Variants in LSAMP observed in about 807,000 individuals in gnomAD.
The protein encoded by LSAMP is limbic system associated membrane protein.
LSAMP carries 7 observed loss-of-function variants against 38.6 expected under a neutral mutation model. That is an observed-to-expected ratio of 0.18 (90% CI 0.10 to 0.34). The LOEUF (loss-of-function observed/expected upper bound fraction) is 0.34, where lower values mean the gene tolerates loss of function less well. Ranked by LOEUF, LSAMP falls within the 10% of genes least tolerant of loss-of-function variation. The pLI is 1.00. For synonymous variants in LSAMP, 154 were observed against 166.8 expected (o/e 0.92, Z 0.59); for missense variants, 313 against 420.0 (o/e 0.75, Z 2.23).
intron 3 of LSAMP, among the ~76,000 whole-genome samples, chr3:115,893,653 T>C (rs1379134393): frequency 6.6e-6 from 1 of 152,002 alleles, no homozygotes; most frequent in Non-Finnish European, 1.5e-5. Flanking sequence ...AAGTGTAGTC[T>C]TATGAAGAAG....
chr3:115,848,125 G>A (rs1472195286), intron 4 of LSAMP, among the ~76,000 whole-genome samples: 1 of 152,186 alleles, frequency 6.6e-6, no homozygotes, highest in Admixed American at 6.5e-5. Flanking sequence ...CTGAATAGGT[G>A]TAACTATGAA....
intron 1 of LSAMP, among the ~76,000 whole-genome samples, chr3:116,228,478 A>G (rs1001669873): frequency 6.6e-6 from 1 of 152,074 alleles, no homozygotes; most frequent in African/African-American, 2.4e-5. Context: ...CAATTTCCTC[A>G]TATGTAAAAT....
chr3:116,444,806 ACAC>A, intron 1 of LSAMP, 68 bp downstream of exon 1: 1 of 1,523,368 alleles, frequency 6.6e-7, no homozygotes, highest in Admixed American at 1.7e-5. Flanking sequence ...ACACACACAC[ACAC>A]AAACACACAC....
chr3:116,116,632 G>A (rs180673012), intron 1 of LSAMP, among the ~76,000 whole-genome samples: 1 of 151,756 alleles, frequency 6.6e-6, no homozygotes, highest in East Asian at 1.9e-4. Flanking sequence ...CAGGAGAAAC[G>A]CTTGCACCTG....
intron 1 of LSAMP, among the ~76,000 whole-genome samples, chr3:116,190,510 A>T (rs950382005): frequency 6.6e-6 from 1 of 152,118 alleles, no homozygotes; most frequent in Non-Finnish European, 1.5e-5. Flanking sequence ...ATAAACAAAC[A>T]GTGTGTATCT....
chr3:116,112,724 G>A (rs1409631769), intron 1 of LSAMP, among the ~76,000 whole-genome samples: 1 of 152,116 alleles, frequency 6.6e-6, no homozygotes, highest in East Asian at 1.9e-4. Flanking sequence ...TAAGGAAGTG[G>A]GGAACGAGTT....
At chr3:116,212,272 A>C (rs2046167404) in intron 1 of LSAMP, among the ~76,000 whole-genome samples, 1 of 152,238 alleles carries the variant, frequency 6.6e-6, no homozygotes, top group African/African-American at 2.4e-5. Context: ...GTGATTCAGG[A>C]GTAATAAATT....
chr3:115,905,257 G>T (rs1278244198), intron 3 of LSAMP, among the ~76,000 whole-genome samples: 2 of 151,944 alleles, frequency 1.3e-5, no homozygotes, highest in Non-Finnish European at 2.9e-5. Flanking sequence ...CACAAGTTTG[G>T]TATATGGAGA....
chr3:115,895,982 C>T lies in LSAMP; in HGVS notation c.515-43365G>A, dbSNP rs1333645137. Among the ~76,000 whole-genome samples the T allele has an allele frequency of 2.0e-5, 3 of 152,210 alleles. No homozygotes were observed. The East Asian group carries it at 5.8e-4, about 29-fold the overall frequency. Reference sequence around the variant, plus strand: ...ATTATGAACATCTATTGTTGTACAACATTGATACCATTAAAATTAACTGAA... The same window carrying T: ...ATTATGAACATCTATTGTTGTACAATATTGATACCATTAAAATTAACTGAA... On this transcript the variant is annotated intron_variant, in intron 3 of 6. Transcript: ENST00000490035.
At chr3:115,936,155 T>C (rs1258751421) in intron 3 of LSAMP, among the ~76,000 whole-genome samples, 1 of 152,214 alleles carries the variant, frequency 6.6e-6, no homozygotes, top group Non-Finnish European at 1.5e-5. Flanking sequence ...TTCCAGTATC[T>C]TTCAGTGTTT....
intron 1 of LSAMP, among the ~76,000 whole-genome samples, chr3:116,427,152 C>G (rs2049209413): frequency 7.3e-6 from 1 of 137,408 alleles, no homozygotes; most frequent in African/African-American, 2.7e-5. Context: ...CTCGCTCTGT[C>G]GCCCAGGCCG....
chr3:116,126,167 G>T (rs1297398469), intron 1 of LSAMP, among the ~76,000 whole-genome samples: 1 of 152,184 alleles, frequency 6.6e-6, no homozygotes, highest in Non-Finnish European at 1.5e-5. Flanking sequence ...AAACAGGAAA[G>T]CTCAAACATG....
intron 2 of LSAMP, among the ~76,000 whole-genome samples, chr3:116,072,947 T>G (rs1464338991): frequency 6.6e-6 from 1 of 152,186 alleles, no homozygotes; most frequent in Non-Finnish European, 1.5e-5. Flanking sequence ...TTGTTGCAAT[T>G]GCTTTTGGCA....
chr3:116,203,814 C>G (rs969131843), intron 1 of LSAMP, among the ~76,000 whole-genome samples: 50 of 152,060 alleles, frequency 3.3e-4, no homozygotes, highest in Middle Eastern at 6.9e-3. Flanking sequence ...TGGACATTTG[C>G]GTTGGTTCCA....
chr3:116,275,286 C>T (rs2047034317), intron 1 of LSAMP, among the ~76,000 whole-genome samples: 1 of 152,094 alleles, frequency 6.6e-6, no homozygotes, highest in Admixed American at 6.5e-5. Context: ...CTCCTAGGCT[C>T]AAGCAATCCT....
At chr3:115,921,842 A>AT (rs1937390329) in intron 3 of LSAMP, among the ~76,000 whole-genome samples, 2 of 151,906 alleles carry the variant, frequency 1.3e-5, no homozygotes, top group South Asian at 4.2e-4. Flanking sequence ...TACTGATAGG[A>AT]TTTTTTTCTG....
chr3:116,068,289 TA>T (rs1707509543), intron 2 of LSAMP, among the ~76,000 whole-genome samples: 1 of 152,200 alleles, frequency 6.6e-6, no homozygotes, highest in Non-Finnish European at 1.5e-5. Flanking sequence ...AGAGTAATTT[TA>T]AATGTGCTAT....
intron 3 of LSAMP, among the ~76,000 whole-genome samples, chr3:115,930,954 A>G (rs747719805): frequency 6.6e-6 from 1 of 152,190 alleles, no homozygotes; most frequent in African/African-American, 2.4e-5. Flanking sequence ...AATTACATAA[A>G]TTGTTTGAAA....
At chr3:115,841,687 T>A in intron 6 of LSAMP, 158 bp downstream of exon 6, 1 of 624,540 alleles carries the variant, frequency 1.6e-6, no homozygotes, top group East Asian at 3.0e-5. Context: ...AAATCTCTGC[T>A]ATGCACAGGA....
Sources: allele counts gnomAD v4.1 joint callset (sites outside exome capture counted in the v4.1 genomes callset), GRCh38; gene constraint gnomAD v4.1.1; transcripts MANE v1.5; gene names NCBI Gene and HGNC (gene_info 2026-07-23, HGNC 2026-07-21).